Variants in DOCK8 observed in about 807,000 individuals in gnomAD.
DOCK8 encodes dedicator of cytokinesis protein 8.
Under a neutral mutation model 245.6 loss-of-function variants are expected in DOCK8, and 141 were observed. The ratio of observed to expected loss-of-function variants is 0.57; its 90% CI spans 0.50 to 0.66. The LOEUF is 0.66. Among genes scored for constraint, DOCK8 ranks in the 30% least tolerant of loss-of-function variants. The pLI is 0.00. For missense variants in DOCK8, 2,965 were observed against 2,603.4 expected (o/e 1.14, Z -3.02); for synonymous variants, 1,168 against 970.2 (o/e 1.20, Z -3.79).
rs1278203162 is a variant in DOCK8, at chr9:400,821, CCACCAT to C, written c.3234+1574_3234+1579del. Among the ~76,000 whole-genome samples the C allele has an allele frequency of 5.7e-3, 217 of 38,140 alleles. 6 individuals carry two copies. Among genetic ancestry groups the C allele is most frequent in the Middle Eastern group, 0.011 (1 of 88 alleles). The allele number at this position is 38,140 out of a possible 152,430, so 25.0% of individuals were successfully genotyped here. Reference sequence around the variant, plus strand: ...ACCACCTCCACCATCACCACCACCTCCACCATCACCATCACCACCACCTCCACCATC... The same window carrying C: ...ACCACCTCCACCATCACCACCACCTCCACCATCACCACCACCTCCACCATC... On this transcript the variant is annotated intron_variant, in intron 26 of 47. Transcript: ENST00000432829.
chr9:355,491 C>T (rs774182557), intron 14 of DOCK8, among the ~76,000 whole-genome samples: 2 of 151,846 alleles, frequency 1.3e-5, no homozygotes, highest in Admixed American at 6.6e-5. Context: ...CATGAGCCAC[C>T]GTGCCCAGCC....
intron 1 of DOCK8, among the ~76,000 whole-genome samples, chr9:271,201 G>T (rs1316407161): frequency 6.6e-6 from 1 of 152,214 alleles, no homozygotes; most frequent in Non-Finnish European, 1.5e-5. Context: ...CAACCAGTCA[G>T]CCAAAAGGGT....
chr9:224,165 G>A (rs1399174301), intron 1 of DOCK8, among the ~76,000 whole-genome samples: 1 of 152,086 alleles, frequency 6.6e-6, no homozygotes, highest in East Asian at 1.9e-4. Flanking sequence ...AAGAACAACG[G>A]TTATTTAGAA....
chr9:462,731 G>A (rs1245732457), intron 46 of DOCK8, among the ~76,000 whole-genome samples: 1 of 152,200 alleles, frequency 6.6e-6, no homozygotes, highest in African/African-American at 2.4e-5. Context: ...ACAAGTTTTT[G>A]CTGTGCTTTC....
At chr9:230,666 T>G (rs1176908244) in intron 1 of DOCK8, among the ~76,000 whole-genome samples, 1 of 151,644 alleles carries the variant, frequency 6.6e-6, no homozygotes, top group East Asian at 1.9e-4. Context: ...GGTGAGCATT[T>G]TTTCATGTGT....
intron 1 of DOCK8, among the ~76,000 whole-genome samples, chr9:233,923 A>C (rs535346446): frequency 1.3e-5 from 2 of 152,276 alleles, no homozygotes; most frequent in African/African-American, 4.8e-5. Flanking sequence ...TTATGTGTGA[A>C]TTTGATCCTG....
Position 420,852 on chromosome 9 carries a change from T to G in DOCK8, c.4024-97T>G. The stretch of plus-strand genomic sequence containing the variant: ...CATCTCAGTGAAGCACATGTCAAAC[T>G]TAGCTGGCATCACTGTGGAGTGTAC... On this transcript the variant is annotated intron_variant, in intron 31 of 47. Coordinates refer to ENST00000432829, the MANE Select transcript of DOCK8 (RefSeq NM_203447.4). The G allele has an allele frequency of 2.6e-6, 4 of 1,534,332 alleles. No homozygotes were observed. In the South Asian group the frequency reaches 4.5e-5, roughly 17 times the overall value.
At chr9:400,229 C>CCACCAT (rs2054790295) in intron 26 of DOCK8, among the ~76,000 whole-genome samples, 2 of 96,794 alleles carry the variant, frequency 2.1e-5, no homozygotes, top group Middle Eastern at 4.9e-3. Context: ...ACCACCACCT[C>CCACCAT]CACCATCACC....
intron 1 of DOCK8, among the ~76,000 whole-genome samples, chr9:237,803 A>G (rs974492136): frequency 5.9e-5 from 9 of 152,244 alleles, no homozygotes; most frequent in Non-Finnish European, 2.9e-5. Context: ...CAATTTTAAA[A>G]TATTTTAGGA....
At chr9:211,407 G>A (rs543418078), upstream of DOCK8, among the ~76,000 whole-genome samples, 1 of 152,124 alleles carries the variant, frequency 6.6e-6, no homozygotes, top group East Asian at 1.9e-4. Context: ...AGTCACCAAA[G>A]CTAAATGAGC....
At chr9:264,870 G>C (rs955280712) in intron 1 of DOCK8, among the ~76,000 whole-genome samples, 16 of 152,146 alleles carry the variant, frequency 1.1e-4, no homozygotes, top group Non-Finnish European at 2.2e-4. Context: ...CTAACCCTTT[G>C]ATAGCTGCAT....
At chr9:335,256 A>T (rs7854020) in intron 11 of DOCK8, among the ~76,000 whole-genome samples, 82,256 of 151,966 alleles carry the variant, frequency 0.54, 22,575 homozygotes, top group East Asian at 0.8. Flanking sequence ...ATTCATTCCT[A>T]CACTGCTTGG....
intron 12 of DOCK8, 26 bp from the exon 13 acceptor site, chr9:338,980 A>G (rs1193884141): frequency 1.2e-6 from 2 of 1,607,812 alleles, no homozygotes; most frequent in South Asian, 1.1e-5. Context: ...GTGCATCTAC[A>G]TTAACTCTGA....
At chr9:424,346 T>C (rs2056400413) in intron 33 of DOCK8, among the ~76,000 whole-genome samples, 1 of 152,066 alleles carries the variant, frequency 6.6e-6, no homozygotes, top group South Asian at 2.1e-4. Context: ...ACTTCCCAGG[T>C]GATTCTATTG....
chr9:211,910 G>A (rs745386332), upstream of DOCK8, among the ~76,000 whole-genome samples: 5 of 152,188 alleles, frequency 3.3e-5, no homozygotes, highest in African/African-American at 9.6e-5. Flanking sequence ...AAAAATGTGT[G>A]ATTATGGAGA....
intron 1 of DOCK8, among the ~76,000 whole-genome samples, chr9:225,981 G>T (rs1424447018): frequency 6.6e-6 from 1 of 152,084 alleles, no homozygotes; most frequent in Admixed American, 6.6e-5. Context: ...AGTTAGCAAA[G>T]AACGAATCAC....
At chr9:263,715 C>A (rs990805951) in intron 1 of DOCK8, among the ~76,000 whole-genome samples, 2 of 152,110 alleles carry the variant, frequency 1.3e-5, no homozygotes, top group South Asian at 4.1e-4. Flanking sequence ...AATATTTTCA[C>A]TAGGTAGAAA....
At chr9:363,894 GTGAGAGCAGTCTGGCAGGGCTAC>G (rs2052851669) in intron 14 of DOCK8, among the ~76,000 whole-genome samples, 3 of 152,178 alleles carry the variant, frequency 2.0e-5, no homozygotes, top group African/African-American at 7.2e-5. Flanking sequence ...GACAAGTGTG[GTGAGAGCAGTCTGGCAGGGCTAC>G]TACTGTTATG....
At chr9:422,008 A>C (rs373085710) in intron 32 of DOCK8, 40 bp from the exon 33 acceptor site, 1 of 1,535,580 alleles carries the variant, frequency 6.5e-7, no homozygotes, top group Non-Finnish European at 9.0e-7. Context: ...GGAGGGTTTC[A>C]TGCTAATCAA....
Sources: allele counts gnomAD v4.1 joint callset (sites outside exome capture counted in the v4.1 genomes callset), GRCh38; gene constraint gnomAD v4.1.1; transcripts MANE v1.5; gene names NCBI Gene and HGNC (gene_info 2026-07-23, HGNC 2026-07-21).